SNTB2: variants seen among roughly 807,000 people sequenced by gnomAD.
SNTB2 encodes the protein beta-2-syntrophin.
A neutral mutation model predicts 46.2 loss-of-function variants in SNTB2; 34 were observed. The ratio of observed to expected loss-of-function variants is 0.74; its 90% CI spans 0.56 to 0.98. SNTB2 has a LOEUF of 0.98. SNTB2 is among the 50% of genes least tolerant of loss of function. The pLI is 0.00. For synonymous variants in SNTB2, 290 were observed against 312.6 expected (o/e 0.93, Z 0.76); for missense variants, 603 against 731.4 (o/e 0.82, Z 2.02).
chr16:69,294,014 A>G (rs1444984274), intron 5 of SNTB2, among the ~76,000 whole-genome samples: 1 of 151,954 alleles, frequency 6.6e-6, no homozygotes, highest in African/African-American at 2.4e-5. Context: ...TTTTTATTTT[A>G]TGTTTTTTGT....
At chr16:69,252,470 C>G (rs965092085) in intron 2 of SNTB2, among the ~76,000 whole-genome samples, 2 of 152,178 alleles carry the variant, frequency 1.3e-5, no homozygotes, top group Admixed American at 1.3e-4. Flanking sequence ...TTAAACACTC[C>G]TTTCGGAAAT....
chr16:69,277,481 C>G (rs186487183), intron 4 of SNTB2, among the ~76,000 whole-genome samples: 5 of 152,162 alleles, frequency 3.3e-5, no homozygotes, highest in African/African-American at 1.2e-4. Context: ...CAAGGGAAAC[C>G]AGTTGATTTT....
chr16:69,238,055 G>A (rs748931723), intron 1 of SNTB2, among the ~76,000 whole-genome samples: 7 of 152,156 alleles, frequency 4.6e-5, no homozygotes, highest in Non-Finnish European at 7.4e-5. Flanking sequence ...TTCTAGGTCC[G>A]CTCCTTCTCT....
At chr16:69,280,041 A>C (rs890704545) in intron 4 of SNTB2, among the ~76,000 whole-genome samples, 9 of 152,100 alleles carry the variant, frequency 5.9e-5, no homozygotes, top group Non-Finnish European at 1.2e-4. Flanking sequence ...TGGGTACTTG[A>C]GATTAGGGAG....
At chr16:69,281,493 T>TG (rs1965043975) in intron 4 of SNTB2, among the ~76,000 whole-genome samples, 1 of 150,478 alleles carries the variant, frequency 6.6e-6, no homozygotes, top group African/African-American at 2.4e-5. Flanking sequence ...TGGTTTTTTT[T>TG]TTTTTGTTTT....
chr16:69,275,822 G>T (rs1468924604), intron 4 of SNTB2, among the ~76,000 whole-genome samples: 1 of 152,146 alleles, frequency 6.6e-6, no homozygotes, highest in Non-Finnish European at 1.5e-5. Flanking sequence ...AGAAATTAAG[G>T]ACCTTTATTA....
chr16:69,294,467 T>C (rs530812726), intron 5 of SNTB2, among the ~76,000 whole-genome samples: 2 of 152,044 alleles, frequency 1.3e-5, no homozygotes, highest in Non-Finnish European at 2.9e-5. Flanking sequence ...CTAATGCCTG[T>C]AATCCCAGCA....
chr16:69,266,380 A>G (rs1964884571), intron 3 of SNTB2, among the ~76,000 whole-genome samples: 2 of 152,168 alleles, frequency 1.3e-5, no homozygotes, highest in Admixed American at 6.5e-5. Context: ...AAAACAAAAC[A>G]AAACAAAACA....
At chr16:69,257,333 C>T (rs550134398) in intron 2 of SNTB2, among the ~76,000 whole-genome samples, 1 of 152,058 alleles carries the variant, frequency 6.6e-6, no homozygotes, top group East Asian at 1.9e-4. Flanking sequence ...TAGCTTAAAA[C>T]TTTTTATCTG....
rs933385876 is a variant in SNTB2, at chr16:69,303,861, C to T, written c.*2937C>T. On this transcript the variant is annotated 3_prime_UTR_variant, in exon 7 of 7. Transcript: ENST00000336278. Reference sequence around the variant, plus strand: ...CGATATTCTACCTTTTTTATAGAACCAGCTCACTTTTCATTTCTTTTTCAT... The same window carrying T: ...CGATATTCTACCTTTTTTATAGAACTAGCTCACTTTTCATTTCTTTTTCAT... 6 of 152,482 alleles carry T rather than the reference C, an allele frequency of 3.9e-5. No individual in the cohort carries two copies. Among genetic ancestry groups the T allele is most frequent in the Non-Finnish European group, 8.8e-5 (6 of 68,036 alleles). 9.4% of individuals were successfully genotyped at this position (152,482 alleles called of 1,614,324 possible).
At chr16:69,289,269 C>CAAA (rs539709680) in intron 5 of SNTB2, among the ~76,000 whole-genome samples, 16 of 76,702 alleles carry the variant, frequency 2.1e-4, no homozygotes, top group East Asian at 5.2e-4. Context: ...AACTCCGTCT[C>CAAA]AAAAAAAAAA....
Position 69,296,244 on chromosome 16 carries a change from C to CA in SNTB2, c.1346-3345dup, listed in dbSNP as rs575685501. ...GTGGTGAGCTAAGATCACGCCATTA[C>CA]ACTCCAGCCTGGGTGACAAGAGTGA... On this transcript the variant is annotated intron_variant, in intron 5 of 6. Transcript: ENST00000336278. 6.6e-5 allele frequency among the ~76,000 whole-genome samples: 10 copies of CA among 151,978 alleles called. No individual in the cohort carries two copies. In the East Asian group the frequency reaches 1.6e-3, roughly 24 times the overall value.
intron 2 of SNTB2, among the ~76,000 whole-genome samples, chr16:69,259,203 A>G (rs17624406): frequency 0.053 from 7,456 of 141,766 alleles, 256 homozygotes; most frequent in Non-Finnish European, 0.074. Context: ...ATTTTTTCTC[A>G]GGTTCAGTAA....
chr16:69,267,276 C>G (rs1418212680), intron 3 of SNTB2, among the ~76,000 whole-genome samples: 1 of 152,178 alleles, frequency 6.6e-6, no homozygotes, highest in Non-Finnish European at 1.5e-5. Context: ...CTTGGCCTCC[C>G]CAAGTGTTGG....
chr16:69,233,937 C>A (rs1261552706), intron 1 of SNTB2, among the ~76,000 whole-genome samples: 1 of 151,948 alleles, frequency 6.6e-6, no homozygotes, highest in African/African-American at 2.4e-5. Context: ...TGATTGTGCC[C>A]CTGCAGTCCC....
chr16:69,197,562 T>C (rs367549006), intron 1 of SNTB2, among the ~76,000 whole-genome samples: 14 of 152,268 alleles, frequency 9.2e-5, no homozygotes, highest in African/African-American at 2.4e-4. Flanking sequence ...AATTTTTCTT[T>C]TGTAATTATT....
intron 1 of SNTB2, among the ~76,000 whole-genome samples, chr16:69,217,796 A>T (rs1418784978): frequency 6.6e-6 from 1 of 152,190 alleles, no homozygotes; most frequent in African/African-American, 2.4e-5. Flanking sequence ...CAGATTTCTT[A>T]GGTTTCAGTT....
At chr16:69,262,535 TTATG>T (rs1964844040) in intron 3 of SNTB2, among the ~76,000 whole-genome samples, 1 of 152,142 alleles carries the variant, frequency 6.6e-6, no homozygotes, top group African/African-American at 2.4e-5. Context: ...TTATGTATAT[TTATG>T]GGATACGGTA....
chr16:69,203,154 A>T (rs1025509345), intron 1 of SNTB2, among the ~76,000 whole-genome samples: 1 of 151,580 alleles, frequency 6.6e-6, no homozygotes, highest in African/African-American at 2.4e-5. Flanking sequence ...AGTAGCTGGG[A>T]TTACAGGCGC....
Sources: gnomAD v4.1 joint callset for allele counts (sites outside exome capture counted in the v4.1 genomes callset) on GRCh38, gnomAD v4.1.1 for gene constraint, MANE v1.5 for transcripts, NCBI Gene and HGNC (gene_info 2026-07-23, HGNC 2026-07-21) for gene names.